The following CSMD1 variants were observed in gnomAD, a reference collection of about 807,000 sequenced individuals.
CSMD1 encodes CUB and Sushi multiple domains 1.
In CSMD1, 213 loss-of-function variants were observed where a neutral mutation model predicts 417.5. The observed-to-expected ratio is 0.51, with a 90% CI of 0.46 to 0.57. The LOEUF is 0.57. Among genes scored for constraint, CSMD1 ranks in the 20% least tolerant of loss-of-function variants. The pLI, the probability that CSMD1 is intolerant of heterozygous loss-of-function variation, is 0.00. For synonymous variants in CSMD1, 2,862 were observed against 1,736.8 expected (o/e 1.65, Z -16.11); for missense variants, 6,923 against 4,529.7 (o/e 1.53, Z -15.17).
intron 3 of CSMD1, among the ~76,000 whole-genome samples, chr8:4,188,848 G>T (rs554399446): frequency 6.6e-6 from 1 of 150,542 alleles, no homozygotes; most frequent in Non-Finnish European, 1.5e-5. Context: ...AAAAAAAAAC[G>T]AAATGTTTCT....
chr8:3,978,331 T>C (rs1257097528), intron 5 of CSMD1, among the ~76,000 whole-genome samples: 1 of 152,180 alleles, frequency 6.6e-6, no homozygotes, highest in African/African-American at 2.4e-5. Flanking sequence ...ATGGCTCTCT[T>C]TTTTCCTTTT....
intron 3 of CSMD1, among the ~76,000 whole-genome samples, chr8:4,366,668 C>G (rs1034963413): frequency 6.6e-6 from 1 of 151,962 alleles, no homozygotes; most frequent in Non-Finnish European, 1.5e-5. Flanking sequence ...ATTTGCATGT[C>G]TCTAATAGTT....
chr8:3,914,242 G>A (rs1292256259), intron 5 of CSMD1, among the ~76,000 whole-genome samples: 1 of 152,138 alleles, frequency 6.6e-6, no homozygotes, highest in Non-Finnish European at 1.5e-5. Flanking sequence ...GAATAGAGTA[G>A]ATAAGAGCTA....
chr8:3,650,386 G>C (rs1276233472), intron 7 of CSMD1, among the ~76,000 whole-genome samples: 5 of 152,054 alleles, frequency 3.3e-5, no homozygotes, highest in Non-Finnish European at 7.4e-5. Flanking sequence ...GCTTTAATTA[G>C]GGAAAATTAT....
At chr8:4,064,961 C>T (rs1458386202) in intron 3 of CSMD1, among the ~76,000 whole-genome samples, 1 of 151,880 alleles carries the variant, frequency 6.6e-6, no homozygotes, top group Middle Eastern at 3.4e-3. Flanking sequence ...AGATTTAACG[C>T]TGTGCATTCA....
intron 3 of CSMD1, among the ~76,000 whole-genome samples, chr8:4,080,624 C>T (rs1356516250): frequency 6.6e-6 from 1 of 152,072 alleles, no homozygotes; most frequent in Non-Finnish European, 1.5e-5. Context: ...AGTTTAGAAG[C>T]TAAATTTTAT....
At chr8:4,028,713 C>G (rs2688361) in intron 4 of CSMD1, among the ~76,000 whole-genome samples, 1 of 151,890 alleles carries the variant, frequency 6.6e-6, no homozygotes, top group African/African-American at 2.4e-5. Flanking sequence ...TATTTCTTTA[C>G]CTTTTAAATG....
intron 2 of CSMD1, among the ~76,000 whole-genome samples, chr8:4,442,416 T>G (rs1383648434): frequency 6.6e-6 from 1 of 152,212 alleles, no homozygotes; most frequent in Non-Finnish European, 1.5e-5. Context: ...CCCCACTGTA[T>G]ATATGAACAT....
intron 25 of CSMD1, among the ~76,000 whole-genome samples, chr8:3,304,822 A>C (rs1398924537): frequency 1.3e-5 from 2 of 152,108 alleles, no homozygotes; most frequent in Admixed American, 6.6e-5. Flanking sequence ...GAGAAAGACA[A>C]TGCTCACTCT....
At chr8:4,254,425 A>G (rs1803301398) in intron 3 of CSMD1, among the ~76,000 whole-genome samples, 1 of 152,144 alleles carries the variant, frequency 6.6e-6, no homozygotes. Context: ...GTCCCCTTAG[A>G]TTATAGTGGA....
chr8:4,868,989 T>C (rs563278620), intron 1 of CSMD1, among the ~76,000 whole-genome samples: 11 of 152,088 alleles, frequency 7.2e-5, no homozygotes, highest in South Asian at 4.1e-4. Context: ...GAATAGATGA[T>C]ATAAAGATAA....
At chr8:4,348,404 C>T (rs937026297) in intron 3 of CSMD1, among the ~76,000 whole-genome samples, 2 of 151,996 alleles carry the variant, frequency 1.3e-5, no homozygotes, top group Admixed American at 6.6e-5. Context: ...GGTCACAGAA[C>T]TGTAAGTGAT....
At chr8:3,502,149 G>C (rs1194847006) in intron 10 of CSMD1, among the ~76,000 whole-genome samples, 2 of 151,980 alleles carry the variant, frequency 1.3e-5, no homozygotes, top group African/African-American at 2.4e-5. Context: ...CAGATCACGA[G>C]GTCAGGAGAT....
At chr8:4,131,642 CAAGTA>C (rs1803110777) in intron 3 of CSMD1, among the ~76,000 whole-genome samples, 2 of 150,888 alleles carry the variant, frequency 1.3e-5, no homozygotes, top group Non-Finnish European at 2.9e-5. Context: ...GACTAGTTCT[CAAGTA>C]AATAAAACTT....
intron 49 of CSMD1, among the ~76,000 whole-genome samples, chr8:3,059,627 T>C (rs1191196538): frequency 1.3e-5 from 2 of 152,042 alleles, no homozygotes; most frequent in Non-Finnish European, 2.9e-5. Context: ...TGTGACCTGA[T>C]AAAACCCTCT....
chr8:3,264,556 A>G (rs1377214009), intron 26 of CSMD1, among the ~76,000 whole-genome samples: 1 of 152,206 alleles, frequency 6.6e-6, no homozygotes, highest in Non-Finnish European at 1.5e-5. Flanking sequence ...CCTGGAGTGG[A>G]TATGCCTCTA....
intron 1 of CSMD1, among the ~76,000 whole-genome samples, chr8:4,677,926 C>G (rs930586688): frequency 6.6e-6 from 1 of 151,954 alleles, no homozygotes; most frequent in Admixed American, 6.6e-5. Context: ...ATATTGATTC[C>G]GTAGGTATAA....
rs550173663 is a variant in CSMD1 at position 3,672,377 on chromosome 8, C to T, written c.1009+36037G>A. Among the ~76,000 whole-genome samples the T allele has an allele frequency of 1.1e-4, 17 of 152,296 alleles. No individual in the cohort carries two copies. In the South Asian group the frequency reaches 2.3e-3, roughly 20 times the overall value. ...AGTGTGTGTCGGCATTTAGAACCCA[C>T]TCTTGCATTCTCAACCACAGCTCAG... is the stretch of plus-strand genomic sequence containing the variant. On this transcript the variant is annotated intron_variant, in intron 7 of 69. Transcript: ENST00000635120.
chr8:3,942,844 T>C (rs978000301), intron 5 of CSMD1, among the ~76,000 whole-genome samples: 4 of 152,152 alleles, frequency 2.6e-5, no homozygotes, highest in African/African-American at 4.8e-5. Flanking sequence ...TGAGCTATAG[T>C]ATCGTCCCAC....
Sources: gnomAD v4.1 joint callset for allele counts (sites outside exome capture counted in the v4.1 genomes callset) on GRCh38, gnomAD v4.1.1 for gene constraint, MANE v1.5 for transcripts, NCBI Gene and HGNC (gene_info 2026-07-23, HGNC 2026-07-21) for gene names.